SMCHD1: variants seen among roughly 807,000 people sequenced by gnomAD.
The protein encoded by SMCHD1 is structural maintenance of chromosomes flexible hinge domain-containing protein 1.
Under a neutral mutation model 254.7 loss-of-function variants are expected in SMCHD1, and 78 were observed. That is an observed-to-expected ratio of 0.31 (90% CI 0.26 to 0.37). The LOEUF is 0.37. Ranked by LOEUF, SMCHD1 falls within the 10% of genes least tolerant of loss-of-function variation. The probability of loss-of-function intolerance (pLI) is 1.00; values close to 1 mark genes in which losing one functional copy is unlikely to be tolerated. For missense variants in SMCHD1, 1,840 were observed against 2,408.1 expected (o/e 0.76, Z 4.94); for synonymous variants, 766 against 794.9 (o/e 0.96, Z 0.61).
intron 41 of SMCHD1, among the ~76,000 whole-genome samples, chr18:2,775,068 ATTTTTTTTTTT>A (rs10601895): frequency 1.8e-4 from 13 of 73,010 alleles, no homozygotes; most frequent in South Asian, 6.6e-4. Flanking sequence ...AAAAGGAACA[ATTTTTTTTTTT>A]TTTTTTTTTT....
At chr18:2,759,190 A>T (rs989967960) in intron 34 of SMCHD1, among the ~76,000 whole-genome samples, 32 of 152,112 alleles carry the variant, frequency 2.1e-4, no homozygotes, top group Non-Finnish European at 4.4e-5. Flanking sequence ...CATTTTATTT[A>T]TGAATATTTA....
At chr18:2,703,575 A>G (rs2074450395) in intron 12 of SMCHD1, 117 bp from the exon 13 acceptor site, 1 of 762,674 alleles carries the variant, frequency 1.3e-6, no homozygotes, top group Non-Finnish European at 2.1e-6. Flanking sequence ...TTAATTTTTT[A>G]TTAGGTTTTC....
rs67175512 is a variant in SMCHD1, at chr18:2,748,390, ATTTT to A, written c.3927+759_3927+762del. On this transcript the variant is annotated intron_variant, in intron 30 of 47. Transcript: ENST00000320876. ...TGTGTGTGTGTGTGTGTGTATATAA[ATTTT>A]TTTTTTTTTTTTTTTGGAGACAGAG... Among the ~76,000 whole-genome samples, 110 of 92,690 alleles carry A rather than the reference ATTTT, an allele frequency of 1.2e-3. 8 individuals carry two copies. Among genetic ancestry groups the A allele is most frequent in the African/African-American group, 3.4e-3 (69 of 20,310 alleles). 60.8% of individuals were successfully genotyped at this position (92,690 alleles called of 152,430 possible).
At chr18:2,745,991 A>G (rs1334583319) in intron 29 of SMCHD1, among the ~76,000 whole-genome samples, 1 of 152,148 alleles carries the variant, frequency 6.6e-6, no homozygotes, top group Non-Finnish European at 1.5e-5. Flanking sequence ...ATAGAAAAAT[A>G]GATGTGTATT....
At chr18:2,667,966 G>A (rs368721289) in intron 3 of SMCHD1, among the ~76,000 whole-genome samples, 3 of 151,950 alleles carry the variant, frequency 2.0e-5, no homozygotes, top group Non-Finnish European at 4.4e-5. Context: ...TGCAACCTCT[G>A]CCTCCTAAGT....
intron 1 of SMCHD1, among the ~76,000 whole-genome samples, chr18:2,661,081 G>GA (rs1373863612): frequency 6.6e-6 from 1 of 152,152 alleles, no homozygotes. Context: ...CACAGGAACA[G>GA]AAAACCAAAC....
intron 7 of SMCHD1, among the ~76,000 whole-genome samples, chr18:2,693,129 G>C (rs760965348): frequency 2.6e-5 from 4 of 152,138 alleles, no homozygotes; most frequent in African/African-American, 9.7e-5. Flanking sequence ...TGAAAGAGCT[G>C]TAACACTTTT....
chr18:2,730,135 TTTTA>T (rs1461976294), intron 24 of SMCHD1, among the ~76,000 whole-genome samples: 1 of 152,168 alleles, frequency 6.6e-6, no homozygotes, highest in African/African-American at 2.4e-5. Context: ...ACACATAGCT[TTTTA>T]TTTGTGTTTT....
chr18:2,784,692 T>C, intron 45 of SMCHD1, 71 bp downstream of exon 45: 4 of 1,406,240 alleles, frequency 2.8e-6, no homozygotes, highest in Non-Finnish European at 3.8e-6. Context: ...GAGCTTATGT[T>C]TTGAGAATCT....
chr18:2,656,536 G>C (rs528295088), intron 1 of SMCHD1, among the ~76,000 whole-genome samples: 1 of 152,246 alleles, frequency 6.6e-6, no homozygotes, highest in Non-Finnish European at 1.5e-5. Context: ...CCCGGGTGGA[G>C]AGCTCAGCGT....
At position 2,771,498 on chromosome 18, in the gene SMCHD1, A is replaced by G. The variant is rs920731516; in HGVS notation, c.4967-35A>G. 4 of 1,478,984 alleles carry G rather than the reference A, an allele frequency of 2.7e-6. No homozygotes were observed. In the African/African-American group the frequency reaches 4.3e-5, roughly 16 times the overall value. 91.6% of individuals were successfully genotyped at this position (1,478,984 alleles called of 1,614,324 possible). ...CAAAAACTATGATTTGGGGGCTATCAGAAATTGATGCAAATTTTTGGTTTT... is the reference window on the plus strand; with the variant it reads ...CAAAAACTATGATTTGGGGGCTATCGGAAATTGATGCAAATTTTTGGTTTT... On this transcript the variant is annotated intron_variant, in intron 39 of 47. Transcript: ENST00000320876.
chr18:2,662,667 C>CAAAAAAAAAAAAAAAAAA (rs745838636), intron 1 of SMCHD1, among the ~76,000 whole-genome samples: 14 of 35,678 alleles, frequency 3.9e-4, no homozygotes, highest in Non-Finnish European at 5.5e-4. Context: ...AACAAAAAAC[C>CAAAAAAAAAAAAAAAAAA]AAAAAAAAAA....
At chr18:2,667,626 G>T (rs977711218) in intron 3 of SMCHD1, among the ~76,000 whole-genome samples, 1 of 151,952 alleles carries the variant, frequency 6.6e-6, no homozygotes, top group African/African-American at 2.4e-5. Flanking sequence ...ATGTGTATTT[G>T]CAGGAAATTA....
intron 17 of SMCHD1, 125 bp downstream of exon 17, chr18:2,708,045 G>A (rs937502965): frequency 2.0e-6 from 1 of 509,116 alleles, no homozygotes; most frequent in African/African-American, 2.0e-5. Flanking sequence ...ATTGAAGTTA[G>A]GAATTTCAGG....
chr18:2,733,174 G>A (rs1181560411), intron 25 of SMCHD1, among the ~76,000 whole-genome samples: 2 of 152,136 alleles, frequency 1.3e-5, no homozygotes, highest in Admixed American at 1.3e-4. Context: ...TTCTTTCAAA[G>A]TTCAGTTTGT....
intron 45 of SMCHD1, among the ~76,000 whole-genome samples, chr18:2,793,622 G>A (rs1293753926): frequency 8.9e-5 from 12 of 134,958 alleles, no homozygotes; most frequent in Admixed American, 3.4e-4. Context: ...CCAAGATCGC[G>A]CCACTGCACT....
At chr18:2,757,465 G>A (rs2075703551) in intron 34 of SMCHD1, among the ~76,000 whole-genome samples, 2 of 151,966 alleles carry the variant, frequency 1.3e-5, no homozygotes, top group South Asian at 2.1e-4. Context: ...TCCTCTCACT[G>A]CAGCTTCCCA....
At position 2,658,465 on chromosome 18, in the gene SMCHD1, A is replaced by G. The variant is rs187810648; in HGVS notation, c.186+2204A>G. Among the ~76,000 whole-genome samples the G allele has an allele frequency of 1.3e-4, 20 of 152,276 alleles. 1 individual carries two copies. The East Asian group carries it at 3.9e-3, about 29-fold the overall frequency. On this transcript the variant is annotated intron_variant, in intron 1 of 47. Transcript: ENST00000320876. Reference sequence around the variant, plus strand: ...TTTGCTGTAGGGAACAGATGTATTTATTCCTTCCTTCAATATTTCAACTGG... The same window carrying G: ...TTTGCTGTAGGGAACAGATGTATTTGTTCCTTCCTTCAATATTTCAACTGG...
At chr18:2,775,271 T>A (rs575861678) in intron 41 of SMCHD1, among the ~76,000 whole-genome samples, 55 of 151,934 alleles carry the variant, frequency 3.6e-4, no homozygotes, top group African/African-American at 1.2e-3. Flanking sequence ...TACTATAATA[T>A]TGGAGTAAAG....
Sources: allele counts gnomAD v4.1 joint callset (sites outside exome capture counted in the v4.1 genomes callset), GRCh38; gene constraint gnomAD v4.1.1; transcripts MANE v1.5; gene names NCBI Gene and HGNC (gene_info 2026-07-23, HGNC 2026-07-21).